The following LRRC4C variants were observed in gnomAD, a reference collection of about 807,000 sequenced individuals.
The protein encoded by LRRC4C is leucine rich repeat containing 4C.
In LRRC4C, 5 loss-of-function variants were observed where a neutral mutation model predicts 33.6. The ratio of observed to expected loss-of-function variants is 0.15; its 90% confidence interval spans 0.08 to 0.31. The LOEUF (loss-of-function observed/expected upper bound fraction) is 0.31. Ranked by LOEUF, LRRC4C falls within the 10% of genes least tolerant of loss-of-function variation. The probability of loss-of-function intolerance (pLI) is 1.00; values close to 1 mark genes in which losing one functional copy is unlikely to be tolerated. For synonymous variants in LRRC4C, 329 were observed against 302.0 expected (o/e 1.09, Z -0.93); for missense variants, 560 against 796.7 (o/e 0.70, Z 3.58).
intron 1 of LRRC4C, among the ~76,000 whole-genome samples, chr11:41,346,801 T>C (rs186682817): frequency 2.3e-3 from 348 of 152,314 alleles, no homozygotes; most frequent in African/African-American, 8.1e-3. Flanking sequence ...ATTCATCTTA[T>C]ACTGATTGAC....
intron 3 of LRRC4C, among the ~76,000 whole-genome samples, chr11:40,363,878 C>T (rs1355311186): frequency 6.6e-6 from 1 of 152,194 alleles, no homozygotes; most frequent in Non-Finnish European, 1.5e-5. Flanking sequence ...TCTCTTTACA[C>T]TTCTCTAATC....
At chr11:40,792,073 A>C (rs1380359502) in intron 2 of LRRC4C, among the ~76,000 whole-genome samples, 3 of 152,288 alleles carry the variant, frequency 2.0e-5, no homozygotes, top group Admixed American at 6.5e-5. Flanking sequence ...TTTTAACTAT[A>C]AGCATCAAGA....
At chr11:40,997,227 G>A (rs1200933059) in intron 1 of LRRC4C, among the ~76,000 whole-genome samples, 2 of 152,122 alleles carry the variant, frequency 1.3e-5, no homozygotes, top group South Asian at 2.1e-4. Context: ...ATAAGAGAGA[G>A]AAGAGATGAG....
intron 1 of LRRC4C, among the ~76,000 whole-genome samples, chr11:41,415,073 G>C (rs928380114): frequency 1.3e-4 from 20 of 152,112 alleles, no homozygotes; most frequent in African/African-American, 4.8e-4. Context: ...GCATCTGCTG[G>C]AAATTACTCT....
At chr11:41,282,521 A>G (rs1228770990) in intron 1 of LRRC4C, among the ~76,000 whole-genome samples, 1 of 152,208 alleles carries the variant, frequency 6.6e-6, no homozygotes, top group Non-Finnish European at 1.5e-5. Flanking sequence ...GCTACCAACT[A>G]GAACATCCTC....
At chr11:41,009,805 G>T (rs1855039518) in intron 1 of LRRC4C, among the ~76,000 whole-genome samples, 2 of 152,076 alleles carry the variant, frequency 1.3e-5, no homozygotes, top group Admixed American at 1.3e-4. Context: ...GGGTTGAATT[G>T]TGTTCCCCCA....
In LRRC4C at chr11:41,245,442, C is replaced by A. The variant is rs554920491; in HGVS notation, c.-496+213989G>T. Among the ~76,000 whole-genome samples the A allele has an allele frequency of 2.2e-3, 329 of 152,304 alleles. 2 individuals are homozygous for A. Among genetic ancestry groups the A allele is most frequent in the African/African-American group, 7.6e-3 (314 of 41,582 alleles). ...CCCGGCCAAGGCATGGCAGGCAGCT[C>A]CAGGCACCAGCACGGGTACTGGCTC... is the stretch of plus-strand genomic sequence containing the variant. On this transcript the variant is annotated intron_variant, in intron 1 of 6. Coordinates refer to ENST00000528697, the MANE Select transcript of LRRC4C (RefSeq NM_001258419.2).
rs536203947 is a variant in LRRC4C at position 40,261,709 on chromosome 11, AT to A, written c.-175-20112del. ...ATGCAGTGATGAAGCTAAAAAAAGA[AT>A]TTTTTTTGACAAAAACAAGCAATGG... On this transcript the variant is annotated intron_variant, in intron 4 of 6. Coordinates refer to ENST00000528697, the MANE Select transcript of LRRC4C (RefSeq NM_001258419.2). Among the ~76,000 whole-genome samples, 234 of 151,736 alleles carry A rather than the reference AT, an allele frequency of 1.5e-3. 2 individuals carry two copies. The highest frequency in any genetic ancestry group is 5.5e-3 in the African/African-American group (228 of 41,434).
chr11:40,364,594 G>A (rs758416997), intron 3 of LRRC4C, among the ~76,000 whole-genome samples: 6 of 152,122 alleles, frequency 3.9e-5, no homozygotes, highest in South Asian at 4.1e-4. Flanking sequence ...GGCTTAAAGC[G>A]TCTCATATAT....
At chr11:40,591,770 C>T (rs890842242) in intron 3 of LRRC4C, among the ~76,000 whole-genome samples, 4 of 152,194 alleles carry the variant, frequency 2.6e-5, no homozygotes, top group East Asian at 1.9e-4. Context: ...ATAAACAAAA[C>T]TTAATTTGAG....
chr11:40,305,802 T>G (rs974403552), intron 4 of LRRC4C, among the ~76,000 whole-genome samples: 1 of 152,214 alleles, frequency 6.6e-6, no homozygotes. Context: ...CGGTTACACC[T>G]GTTCTACAGA....
At chr11:40,353,637 T>C (rs879652916) in intron 3 of LRRC4C, among the ~76,000 whole-genome samples, 8 of 152,070 alleles carry the variant, frequency 5.3e-5, no homozygotes, top group Admixed American at 5.2e-4. Context: ...ACACTTGAAT[T>C]TGGGAGGTGG....
intron 2 of LRRC4C, among the ~76,000 whole-genome samples, chr11:40,858,031 G>A (rs1367807728): frequency 4.7e-5 from 7 of 150,410 alleles, no homozygotes; most frequent in East Asian, 3.9e-4. Flanking sequence ...GGGAAGGGAA[G>A]GGAAGGGAAG....
chr11:40,776,013 T>C (rs1949979507), intron 2 of LRRC4C, among the ~76,000 whole-genome samples: 1 of 152,136 alleles, frequency 6.6e-6, no homozygotes, highest in South Asian at 2.1e-4. Context: ...AAGGATTTTC[T>C]GTATCTATTG....
chr11:40,748,146 A>T (rs1948516384), intron 2 of LRRC4C, among the ~76,000 whole-genome samples: 1 of 152,188 alleles, frequency 6.6e-6, no homozygotes, highest in Non-Finnish European at 1.5e-5. Context: ...AGAGATTTTT[A>T]AAAACCACAA....
intron 2 of LRRC4C, among the ~76,000 whole-genome samples, chr11:40,788,620 T>C (rs1950506210): frequency 6.6e-6 from 1 of 152,178 alleles, no homozygotes; most frequent in Non-Finnish European, 1.5e-5. Context: ...CTCATTTTTG[T>C]TTCATGACCA....
chr11:41,178,727 G>A (rs746722962), intron 1 of LRRC4C, among the ~76,000 whole-genome samples: 71 of 152,148 alleles, frequency 4.7e-4, no homozygotes, highest in African/African-American at 6.5e-4. Flanking sequence ...TTTTTGAGAC[G>A]GAGTCTCGCT....
intron 3 of LRRC4C, among the ~76,000 whole-genome samples, chr11:40,463,794 T>C (rs1197170414): frequency 1.3e-5 from 2 of 152,084 alleles, no homozygotes; most frequent in Non-Finnish European, 2.9e-5. Context: ...AGAAGACTTA[T>C]GGTAAAGTAA....
Position 41,325,577 on chromosome 11 carries a change from T to TGTGTGTGTG in LRRC4C, c.-496+133853_-496+133854insCACACACAC, listed in dbSNP as rs1555147354. Among the ~76,000 whole-genome samples, 82 of 104,160 alleles carry TGTGTGTGTG rather than the reference T, an allele frequency of 7.9e-4. 3 individuals are homozygous for TGTGTGTGTG. Among genetic ancestry groups the TGTGTGTGTG allele is most frequent in the African/African-American group, 2.6e-3 (76 of 29,282 alleles). 68.3% of individuals were successfully genotyped at this position (104,160 alleles called of 152,430 possible). On this transcript the variant is annotated intron_variant, in intron 1 of 6. Transcript: ENST00000528697. ...TTATTGTCCTTATAGTTTTTTTTTT[T>TGTGTGTGTG]TGTGTGTGTGTGTGTGTGTGTGTGT...
Sources: gnomAD v4.1 joint callset for allele counts (sites outside exome capture counted in the v4.1 genomes callset) on GRCh38, gnomAD v4.1.1 for gene constraint, MANE v1.5 for transcripts, NCBI Gene and HGNC (gene_info 2026-07-23, HGNC 2026-07-21) for gene names.